SLC7A14: variants seen among roughly 807,000 people sequenced by gnomAD.
SLC7A14 encodes solute carrier family 7 member 14.
A neutral mutation model predicts 60.2 loss-of-function variants in SLC7A14; 37 were observed. The observed-to-expected ratio is 0.61, with a 90% CI of 0.47 to 0.81. The LOEUF (loss-of-function observed/expected upper bound fraction) is 0.81. Ranked by LOEUF, SLC7A14 falls within the 30% of genes least tolerant of loss-of-function variation. SLC7A14 has a pLI of 0.00. For synonymous variants in SLC7A14, 399 were observed against 395.8 expected (o/e 1.01, Z -0.10); for missense variants, 886 against 982.7 (o/e 0.90, Z 1.32).
chr3:170,532,602 G>T lies in SLC7A14; in HGVS notation c.-152-5514C>A, dbSNP rs755795329. On this transcript the variant is annotated intron_variant, in intron 1 of 7. Coordinates refer to ENST00000231706, the MANE Select transcript of SLC7A14 (RefSeq NM_020949.3). The surrounding 1 kb of genome is among the most constrained non-coding windows in gnomAD (Gnocchi z 4.0). ...TAATACGTGTAGAGCTTTTAGTACCGCGCCTGGCGTATAGTGCATGCTGTG... is the reference window on the plus strand; with the variant it reads ...TAATACGTGTAGAGCTTTTAGTACCTCGCCTGGCGTATAGTGCATGCTGTG... Among the ~76,000 whole-genome samples, 2 of 152,008 alleles carry T rather than the reference G, an allele frequency of 1.3e-5. No homozygotes were observed. The highest frequency in any genetic ancestry group is 2.9e-5 in the Non-Finnish European group (2 of 67,990).
At chr3:170,584,180 T>C (rs910672650) in intron 1 of SLC7A14, among the ~76,000 whole-genome samples, 1 of 152,196 alleles carries the variant, frequency 6.6e-6, no homozygotes, top group Admixed American at 6.5e-5. Flanking sequence ...GGCTCAATCC[T>C]TTCCCCATCT....
chr3:170,557,317 G>A (rs1714514104), intron 1 of SLC7A14, among the ~76,000 whole-genome samples: 1 of 152,080 alleles, frequency 6.6e-6, no homozygotes, highest in Non-Finnish European at 1.5e-5. Context: ...GCAATGGGCA[G>A]TTCTGCTGCC....
chr3:170,509,639 G>A lies in SLC7A14; in HGVS notation c.305-8294C>T, dbSNP rs547756647. ...AGCCTGACCAACATGGCAAAACCCCGTCTCTACTAAAAATACAAAAATTAG... is the reference window on the plus strand; with the variant it reads ...AGCCTGACCAACATGGCAAAACCCCATCTCTACTAAAAATACAAAAATTAG... On this transcript the variant is annotated intron_variant, in intron 2 of 7. Transcript: ENST00000231706. 2.3e-3 allele frequency among the ~76,000 whole-genome samples: 342 copies of A among 151,858 alleles called. 1 individual carries two copies. Among genetic ancestry groups the A allele is most frequent in the African/African-American group, 7.8e-3 (323 of 41,376 alleles).
At chr3:170,522,024 T>A (rs1178026423) in intron 2 of SLC7A14, among the ~76,000 whole-genome samples, 1 of 152,100 alleles carries the variant, frequency 6.6e-6, no homozygotes, top group African/African-American at 2.4e-5. Context: ...ATGTCCAACA[T>A]CATTAGTAAT....
chr3:170,564,473 T>TA (rs1714741022), intron 1 of SLC7A14, among the ~76,000 whole-genome samples: 1 of 152,232 alleles, frequency 6.6e-6, no homozygotes. Flanking sequence ...TGCTGCTAGT[T>TA]AGAGGCAATA....
intron 1 of SLC7A14, among the ~76,000 whole-genome samples, chr3:170,569,350 A>T (rs901976286): frequency 3.9e-5 from 6 of 152,210 alleles, no homozygotes; most frequent in Non-Finnish European, 7.3e-5. Flanking sequence ...CTTGCATCCC[A>T]GGGATGAAGC....
chr3:170,486,486 C>A, intron 4 of SLC7A14, 118 bp from the exon 5 acceptor site: 1 of 1,296,450 alleles, frequency 7.7e-7, no homozygotes, highest in South Asian at 1.3e-5. Context: ...GAGGGAGTAA[C>A]ATGGTGGAAC....
At chr3:170,471,961 G>A (rs956225571) in intron 7 of SLC7A14, among the ~76,000 whole-genome samples, 10 of 152,216 alleles carry the variant, frequency 6.6e-5, no homozygotes, top group Admixed American at 4.6e-4. Context: ...TGCTGCAGCA[G>A]TGTCCTGGAG....
At chr3:170,564,502 C>T (rs900797762) in intron 1 of SLC7A14, among the ~76,000 whole-genome samples, 6 of 152,226 alleles carry the variant, frequency 3.9e-5, no homozygotes, top group African/African-American at 1.4e-4. Context: ...ACACAGGGGT[C>T]TCCCTCCAGT....
At chr3:170,505,809 A>C (rs541743772) in intron 2 of SLC7A14, among the ~76,000 whole-genome samples, 12 of 152,202 alleles carry the variant, frequency 7.9e-5, no homozygotes, top group African/African-American at 2.6e-4. Flanking sequence ...AATCGCTGCA[A>C]CCTGGGAGGT....
At position 170,535,837 on chromosome 3, in the gene SLC7A14, C is replaced by A. The variant is rs1713819940; in HGVS notation, c.-152-8749G>T. Among the ~76,000 whole-genome samples the A allele has an allele frequency of 6.6e-6, 1 of 152,198 alleles. No homozygotes were observed. Among genetic ancestry groups the A allele is most frequent in the Non-Finnish European group, 1.5e-5 (1 of 68,040 alleles). ...CTCATGTTTCTAGCCCTTGGAACTGCATTTTGCCTCATGATTTCTCTGCCC... is the reference window on the plus strand; with the variant it reads ...CTCATGTTTCTAGCCCTTGGAACTGAATTTTGCCTCATGATTTCTCTGCCC... On this transcript the variant is annotated intron_variant, in intron 1 of 7. Transcript: ENST00000231706. The surrounding 1 kb of genome is among the most constrained non-coding windows in gnomAD (Gnocchi z 4.3).
At chr3:170,530,307 G>T (rs1713637302) in intron 1 of SLC7A14, among the ~76,000 whole-genome samples, 1 of 152,232 alleles carries the variant, frequency 6.6e-6, no homozygotes, top group African/African-American at 2.4e-5. Flanking sequence ...TAGAGCGGGT[G>T]TTGCATCTGC....
At chr3:170,515,544 AG>A (rs1293165499) in intron 2 of SLC7A14, among the ~76,000 whole-genome samples, 17 of 151,704 alleles carry the variant, frequency 1.1e-4, no homozygotes, top group Non-Finnish European at 2.1e-4. Context: ...ATGACAAAGC[AG>A]GGCTTGAACT....
intron 1 of SLC7A14, among the ~76,000 whole-genome samples, chr3:170,554,541 C>T (rs1156490895): frequency 1.3e-5 from 2 of 152,206 alleles, no homozygotes; most frequent in Non-Finnish European, 2.9e-5. Flanking sequence ...GCCTTTGTGA[C>T]ACAGTCCCTT....
At chr3:170,512,371 G>T (rs1713005524) in intron 2 of SLC7A14, among the ~76,000 whole-genome samples, 1 of 152,136 alleles carries the variant, frequency 6.6e-6, no homozygotes, top group Admixed American at 6.5e-5. Flanking sequence ...CATTCTCTCT[G>T]GGGGGCCTTC....
At chr3:170,522,749 A>C (rs1056784828) in intron 2 of SLC7A14, among the ~76,000 whole-genome samples, 2 of 152,190 alleles carry the variant, frequency 1.3e-5, no homozygotes, top group Non-Finnish European at 2.9e-5. Context: ...TGTTTACTAA[A>C]GCTCATAGAA....
At chr3:170,467,812 G>A (rs1337321901) in intron 7 of SLC7A14, among the ~76,000 whole-genome samples, 2 of 152,150 alleles carry the variant, frequency 1.3e-5, no homozygotes, top group African/African-American at 4.8e-5. Flanking sequence ...ACTATTTATG[G>A]ATCAGCAACA....
At chr3:170,572,060 C>CAAAAAAAAAAAAA (rs765897392) in intron 1 of SLC7A14, among the ~76,000 whole-genome samples, 3 of 80,624 alleles carry the variant, frequency 3.7e-5, no homozygotes, top group African/African-American at 8.7e-5. Context: ...GACTCTGTCT[C>CAAAAAAAAAAAAA]AAAAAAAAAA....
intron 1 of SLC7A14, among the ~76,000 whole-genome samples, chr3:170,565,533 G>T (rs113958482): frequency 1.4e-4 from 21 of 152,158 alleles, no homozygotes; most frequent in African/African-American, 5.1e-4. Context: ...TAGGAAAAAG[G>T]GGTGACAACA....
Sources: allele counts gnomAD v4.1 joint callset (sites outside exome capture counted in the v4.1 genomes callset), GRCh38; gene constraint gnomAD v4.1.1; non-coding constraint Gnocchi (gnomAD v3.1); transcripts MANE v1.5; gene names NCBI Gene and HGNC (gene_info 2026-07-23, HGNC 2026-07-21).